Variants in LTBP1 observed in about 807,000 individuals in gnomAD.
LTBP1 encodes the protein latent-transforming growth factor beta-binding protein 1.
In LTBP1, 129 loss-of-function variants were observed where a neutral mutation model predicts 207.6. The observed-to-expected ratio is 0.62, with a 90% CI of 0.54 to 0.72. The LOEUF is 0.72. Ranked by LOEUF, LTBP1 falls within the 30% of genes least tolerant of loss-of-function variation. LTBP1 has a pLI of 0.00. For missense variants in LTBP1, 2,281 were observed against 2,217.2 expected (o/e 1.03, Z -0.58); for synonymous variants, 963 against 833.7 (o/e 1.16, Z -2.67).
chr2:33,038,362 C>G (rs1217504048), intron 3 of LTBP1, among the ~76,000 whole-genome samples: 1 of 152,166 alleles, frequency 6.6e-6, no homozygotes, highest in East Asian at 1.9e-4. Context: ...CTGATCTAAT[C>G]TTTTACCTTA....
At chr2:33,100,179 G>C (rs1407186928) in intron 3 of LTBP1, among the ~76,000 whole-genome samples, 1 of 152,210 alleles carries the variant, frequency 6.6e-6, no homozygotes, top group Non-Finnish European at 1.5e-5. Context: ...AGAGCATAAC[G>C]TGTTCCGGCT....
At chr2:33,209,677 A>G (rs2149256903) in intron 7 of LTBP1, among the ~76,000 whole-genome samples, 1 of 152,358 alleles carries the variant, frequency 6.6e-6, no homozygotes, top group Non-Finnish European at 1.5e-5. Flanking sequence ...TATCTAACTT[A>G]CGTGTTTATT....
intron 5 of LTBP1, among the ~76,000 whole-genome samples, chr2:33,152,815 C>A (rs961343761): frequency 6.6e-6 from 1 of 152,104 alleles, no homozygotes; most frequent in Admixed American, 6.5e-5. Context: ...TCAAGAAAAA[C>A]CTGGGATTTC....
chr2:33,262,861 G>C, intron 14 of LTBP1, 40 bp downstream of exon 14: 1 of 1,429,666 alleles, frequency 7.0e-7, no homozygotes, highest in South Asian at 1.3e-5. Context: ...AGAGTATTCT[G>C]AATAAAAATG....
chr2:33,154,308 G>T (rs77505381), intron 5 of LTBP1, among the ~76,000 whole-genome samples: 1 of 152,294 alleles, frequency 6.6e-6, no homozygotes, highest in Non-Finnish European at 1.5e-5. Context: ...AAGAGGACCT[G>T]CTGTAGAGTG....
intron 18 of LTBP1, among the ~76,000 whole-genome samples, chr2:33,278,137 A>G (rs2093484936): frequency 6.6e-6 from 1 of 151,528 alleles, no homozygotes; most frequent in Non-Finnish European, 1.5e-5. Context: ...CGGCCCAAAT[A>G]CTGATTCTTA....
chr2:33,279,114 A>G (rs752744700), intron 18 of LTBP1, among the ~76,000 whole-genome samples: 8 of 152,248 alleles, frequency 5.3e-5, no homozygotes, highest in Non-Finnish European at 1.0e-4. Context: ...ATTAAAGGTC[A>G]TATATACATT....
chr2:33,150,421 A>G (rs1347455370), intron 5 of LTBP1, among the ~76,000 whole-genome samples: 1 of 152,134 alleles, frequency 6.6e-6, no homozygotes, highest in East Asian at 1.9e-4. Flanking sequence ...TACATAACAC[A>G]AAATTTATTA....
intron 9 of LTBP1, among the ~76,000 whole-genome samples, chr2:33,242,551 C>T (rs1416130021): frequency 6.6e-6 from 1 of 150,596 alleles, no homozygotes; most frequent in African/African-American, 2.4e-5. Context: ...CCTCAGAACT[C>T]CTTCCGCAAA....
At chr2:33,226,025 T>C (rs1454151788) in intron 9 of LTBP1, among the ~76,000 whole-genome samples, 1 of 152,250 alleles carries the variant, frequency 6.6e-6, no homozygotes, top group African/African-American at 2.4e-5. Flanking sequence ...CTATTATGAC[T>C]GGTGCTGCAA....
intron 3 of LTBP1, among the ~76,000 whole-genome samples, chr2:33,092,111 A>G (rs1484115717): frequency 6.6e-6 from 1 of 152,168 alleles, no homozygotes; most frequent in Non-Finnish European, 1.5e-5. Flanking sequence ...CTTTGCCGTT[A>G]AAAAAATTAT....
At chr2:33,214,569 T>C (rs1355580744) in intron 7 of LTBP1, among the ~76,000 whole-genome samples, 1 of 152,190 alleles carries the variant, frequency 6.6e-6, no homozygotes, top group Non-Finnish European at 1.5e-5. Context: ...TCTGTGGCCC[T>C]GCCGCTGTTC....
At position 33,318,974 on chromosome 2, in the gene LTBP1, T is replaced by C. The variant is rs145816718; in HGVS notation, c.3730+3705T>C. 5.5e-3 allele frequency among the ~76,000 whole-genome samples: 833 copies of C among 152,184 alleles called. 11 individuals carry two copies. The highest frequency in any genetic ancestry group is 0.019 in the African/African-American group (803 of 41,530). Reference sequence around the variant, plus strand: ...AATTAGCTGGACATGGTAGCTCATGTCTATAGTCCCAGCTACTCAGGGGAC... The same window carrying C: ...AATTAGCTGGACATGGTAGCTCATGCCTATAGTCCCAGCTACTCAGGGGAC... On this transcript the variant is annotated intron_variant, in intron 24 of 33. Transcript: ENST00000404816.
chr2:32,967,127 T>C (rs1003169513), intron 2 of LTBP1, among the ~76,000 whole-genome samples: 1 of 152,158 alleles, frequency 6.6e-6, no homozygotes, highest in Non-Finnish European at 1.5e-5. Context: ...ATAATATTCC[T>C]TTATTATTCC....
chr2:33,316,957 T>A (rs1186888439), intron 24 of LTBP1, among the ~76,000 whole-genome samples: 1 of 152,152 alleles, frequency 6.6e-6, no homozygotes. Flanking sequence ...GGTTGTGCCA[T>A]GCAAAATTAT....
In LTBP1 at chr2:32,947,567, G is replaced by A; in HGVS notation, c.243G>A (p.Ser81=). Residue 81 remains serine (S), a synonymous_variant, in exon 1 of 34, where the codon TCG becomes TCA. Transcript: ENST00000404816. ...APSRASPGVP[S]ERTRRTSKPG... The stretch of plus-strand genomic sequence containing the variant: ...GCCGTGCCTCCCCCGGGGTCCCCTC[G>A]GAGAGGACCCGGCGCACGAGCAAGC... 13 of 1,344,460 alleles carry A rather than the reference G, an allele frequency of 9.7e-6. No homozygotes were observed. The highest frequency in any genetic ancestry group is 1.8e-5 in the South Asian group (1 of 55,064). 83.3% of individuals were successfully genotyped at this position (1,344,460 alleles called of 1,614,324 possible).
chr2:33,246,687 C>G (rs2092525626), intron 10 of LTBP1, among the ~76,000 whole-genome samples: 1 of 152,102 alleles, frequency 6.6e-6, no homozygotes, highest in South Asian at 2.1e-4. Context: ...ATGGTTATGG[C>G]CAAGGAACAA....
chr2:33,235,112 C>T (rs1335741505), intron 9 of LTBP1, among the ~76,000 whole-genome samples: 1 of 151,854 alleles, frequency 6.6e-6, no homozygotes, highest in Non-Finnish European at 1.5e-5. Context: ...TGCAAACAGG[C>T]AAACTACAGA....
intron 10 of LTBP1, among the ~76,000 whole-genome samples, chr2:33,244,465 T>C (rs1019553367): frequency 6.6e-6 from 1 of 152,230 alleles, no homozygotes; most frequent in African/African-American, 2.4e-5. Flanking sequence ...TTCTGAAAGA[T>C]AGTTTCACCA....
Sources: allele counts gnomAD v4.1 joint callset (sites outside exome capture counted in the v4.1 genomes callset), GRCh38; gene constraint gnomAD v4.1.1; transcripts MANE v1.5; gene names NCBI Gene and HGNC (gene_info 2026-07-23, HGNC 2026-07-21).